SEMA3A: variants seen among roughly 807,000 people sequenced by gnomAD.
SEMA3A encodes the protein semaphorin 3A, also known as semaphorin-3A.
A neutral mutation model predicts 97.9 loss-of-function variants in SEMA3A; 29 were observed. The ratio of observed to expected loss-of-function variants is 0.30; its 90% CI spans 0.22 to 0.40. SEMA3A has a LOEUF of 0.40. Ranked by LOEUF, SEMA3A falls within the 10% of genes least tolerant of loss-of-function variation. The probability of loss-of-function intolerance (pLI) is 1.00; values close to 1 mark genes in which losing one functional copy is unlikely to be tolerated. For missense variants in SEMA3A, 763 were observed against 951.3 expected, an observed-to-expected ratio of 0.80 and a Z score of 2.60; for synonymous variants, 321 against 323.7, an observed-to-expected ratio of 0.99 and a Z score of 0.09.
intron 1 of SEMA3A, among the ~76,000 whole-genome samples, chr7:84,374,752 T>C (rs191747646): frequency 6.6e-6 from 1 of 152,248 alleles, no homozygotes; most frequent in Non-Finnish European, 1.5e-5. Context: ...GCCTAGTGGA[T>C]TGGTAACTTT....
At chr7:84,325,040 G>A (rs915702846) in intron 2 of SEMA3A, among the ~76,000 whole-genome samples, 1 of 152,026 alleles carries the variant, frequency 6.6e-6, no homozygotes, top group East Asian at 1.9e-4. Flanking sequence ...CAGAATAAAT[G>A]CTATATATAC....
intron 2 of SEMA3A, among the ~76,000 whole-genome samples, chr7:84,311,134 T>A (rs1029477802): frequency 6.6e-6 from 1 of 151,908 alleles, no homozygotes; most frequent in East Asian, 1.9e-4. Flanking sequence ...TTATTAATAA[T>A]CTGAAAATAC....
intron 1 of SEMA3A, among the ~76,000 whole-genome samples, chr7:84,425,277 TATATA>T (rs1381861208): frequency 1.1e-4 from 14 of 124,448 alleles, no homozygotes; most frequent in Non-Finnish European, 1.6e-4. Context: ...AATATGTATT[TATATA>T]ATATATTTAT....
chr7:84,085,093 C>T (rs1273145048), intron 4 of SEMA3A, among the ~76,000 whole-genome samples: 1 of 151,910 alleles, frequency 6.6e-6, no homozygotes, highest in African/African-American at 2.4e-5. Context: ...TTTATACATA[C>T]ATTTAGAAAG....
At chr7:84,011,811 T>C (rs1190729634) in intron 7 of SEMA3A, among the ~76,000 whole-genome samples, 1 of 152,182 alleles carries the variant, frequency 6.6e-6, no homozygotes, top group Non-Finnish European at 1.5e-5. Context: ...AATTAGTTGA[T>C]TTAATTATTA....
At chr7:83,983,593 T>G (rs2116325031) in intron 13 of SEMA3A, among the ~76,000 whole-genome samples, 1 of 152,200 alleles carries the variant, frequency 6.6e-6, no homozygotes, top group South Asian at 2.1e-4. Flanking sequence ...GCAGCTGAAA[T>G]TATTATGATG....
intron 3 of SEMA3A, among the ~76,000 whole-genome samples, chr7:84,253,016 C>A (rs941908913): frequency 2.0e-5 from 3 of 151,978 alleles, no homozygotes; most frequent in Non-Finnish European, 4.4e-5. Flanking sequence ...GTAGCTGGGA[C>A]TACAGGCGTG....
chr7:84,262,512 C>T (rs1019815779), intron 3 of SEMA3A, among the ~76,000 whole-genome samples: 2 of 152,166 alleles, frequency 1.3e-5, no homozygotes, highest in African/African-American at 4.8e-5. Flanking sequence ...CCATGCCTGG[C>T]CAATGTATTT....
intron 4 of SEMA3A, among the ~76,000 whole-genome samples, chr7:84,065,499 T>C (rs1358911592): frequency 1.3e-5 from 2 of 149,960 alleles, no homozygotes; most frequent in Admixed American, 1.3e-4. Context: ...TTTGAAAGGA[T>C]CAACAAAATT....
intron 4 of SEMA3A, among the ~76,000 whole-genome samples, chr7:84,074,835 T>A (rs1399532392): frequency 2.6e-5 from 4 of 152,062 alleles, no homozygotes; most frequent in Admixed American, 2.6e-4. Flanking sequence ...TTCTACACTT[T>A]AGGAAAAAAA....
chr7:84,009,092 C>G (rs750779800), intron 9 of SEMA3A, among the ~76,000 whole-genome samples: 35 of 152,202 alleles, frequency 2.3e-4, no homozygotes, highest in Non-Finnish European at 4.0e-4. Flanking sequence ...AGACAAACAA[C>G]ATGGGCATCA....
chr7:84,058,082 G>A (rs368627507), intron 5 of SEMA3A, among the ~76,000 whole-genome samples: 4 of 151,448 alleles, frequency 2.6e-5, no homozygotes, highest in Non-Finnish European at 5.9e-5. Context: ...TTCTTTCCTA[G>A]TGGGATTGGT....
chr7:84,192,494 T>A (rs1473934390), intron 1 of SEMA3A, among the ~76,000 whole-genome samples: 2 of 151,990 alleles, frequency 1.3e-5, no homozygotes, highest in Non-Finnish European at 2.9e-5. Flanking sequence ...AGAATAATTC[T>A]AATGGATGCC....
intron 2 of SEMA3A, among the ~76,000 whole-genome samples, chr7:84,132,987 ATT>A (rs1796011874): frequency 6.6e-6 from 1 of 152,054 alleles, no homozygotes; most frequent in Non-Finnish European, 1.5e-5. Context: ...TTTTGTGCTC[ATT>A]TTATAAAGAA....
intron 3 of SEMA3A, among the ~76,000 whole-genome samples, chr7:84,297,208 C>A (rs1800894620): frequency 6.6e-6 from 1 of 152,064 alleles, no homozygotes; most frequent in South Asian, 2.1e-4. Flanking sequence ...AACTTCTGAC[C>A]TCAGGTGATC....
chr7:84,134,648 C>T (rs927627733), intron 2 of SEMA3A, 146 bp downstream of exon 2: 15 of 560,060 alleles, frequency 2.7e-5, no homozygotes, highest in Non-Finnish European at 2.4e-5. Context: ...TGATTCATTA[C>T]TGTCATTTTT....
At position 84,002,105 on chromosome 7, in the gene SEMA3A, T is replaced by C. The variant is rs1173881044; in HGVS notation, c.1361-59A>G. 2 of 911,750 alleles carry C rather than the reference T, an allele frequency of 2.2e-6. No homozygotes were observed. The highest frequency in any genetic ancestry group is 3.5e-6 in the Non-Finnish European group (2 of 576,180). 56.5% of individuals were successfully genotyped at this position (911,750 alleles called of 1,614,324 possible). On this transcript the variant is annotated intron_variant, in intron 11 of 16. Transcript: ENST00000265362. ...AAGTAGATCTGAACAGAGATTAGTG[T>C]TAATGAATGAAATATGTATTTGTCA...
chr7:84,426,857 G>C (rs1252639814), intron 1 of SEMA3A, among the ~76,000 whole-genome samples: 1 of 152,038 alleles, frequency 6.6e-6, no homozygotes, highest in Non-Finnish European at 1.5e-5. Flanking sequence ...CCTTTGGAAG[G>C]TGATAACTTC....
upstream of SEMA3A, chr7:84,195,024 A>AGAGAGAGAGAGAGAGAGAGAGAGAG (rs1798179833): frequency 7.1e-6 from 1 of 140,566 alleles, no homozygotes; most frequent in African/African-American, 2.7e-5. Flanking sequence ...GAGAGAGAGA[A>AGAGAGAGAGAGAGAGAGAGAGAGAG]AGAGAGAGAG....
Sources: allele counts gnomAD v4.1 joint callset (sites outside exome capture counted in the v4.1 genomes callset), GRCh38; gene constraint gnomAD v4.1.1; transcripts MANE v1.5; gene names NCBI Gene and HGNC (gene_info 2026-07-23, HGNC 2026-07-21).